HRH1: variants seen among roughly 807,000 people sequenced by gnomAD.
HRH1 encodes the protein histamine receptor H1.
A neutral mutation model predicts 10.3 loss-of-function variants in HRH1; 6 were observed. The observed-to-expected ratio is 0.58, with a 90% CI of 0.32 to 1.15. The LOEUF is 1.15. Ranked by LOEUF, HRH1 falls within the 50% of genes most tolerant of loss-of-function variation. The pLI is 0.05. For missense variants in HRH1, 514 were observed against 615.3 expected (o/e 0.84, Z 1.74); for synonymous variants, 242 against 236.7 (o/e 1.02, Z -0.21).
At chr3:11,229,905 G>C (rs1311647567) in intron 1 of HRH1, among the ~76,000 whole-genome samples, 2 of 152,170 alleles carry the variant, frequency 1.3e-5, no homozygotes, top group Non-Finnish European at 2.9e-5. Flanking sequence ...GAATTATAAT[G>C]GGAATAAGTT....
intron 1 of HRH1, among the ~76,000 whole-genome samples, chr3:11,239,230 C>T (rs899425191): frequency 3.9e-5 from 6 of 152,192 alleles, no homozygotes; most frequent in African/African-American, 1.4e-4. Context: ...TGGTATCTCA[C>T]TGTGGTTTTG....
At position 11,263,458 on chromosome 3, in the gene HRH1, G is replaced by A. The variant is rs200344061; in HGVS notation, c.*2957G>A. 7 of 166,332 alleles carry A rather than the reference G, an allele frequency of 4.2e-5. No individual in the cohort carries two copies. Among genetic ancestry groups the A allele is most frequent in the Non-Finnish European group, 7.3e-5 (5 of 68,170 alleles). The allele number at this position is 166,332 out of a possible 1,614,324, so 10.3% of individuals were successfully genotyped here. A position where few individuals can be genotyped will look rare whatever the true frequency, so the allele number is the denominator to read the frequency against. On this transcript the variant is annotated 3_prime_UTR_variant, in exon 2 of 2. Transcript: ENST00000431010. ...TCCCAGCACACTGGGAGGCTGACGC[G>A]GGCAGATGGCTGGAGTCCAGGAGTT...
chr3:11,250,076 T>C (rs1435700172), intron 1 of HRH1, among the ~76,000 whole-genome samples: 1 of 123,936 alleles, frequency 8.1e-6, no homozygotes. Context: ...GGAGTCTCGC[T>C]CTGCCGCCCA....
chr3:11,141,741 T>C (rs1414452971), intron 1 of HRH1, among the ~76,000 whole-genome samples: 2 of 152,244 alleles, frequency 1.3e-5, no homozygotes, highest in African/African-American at 4.8e-5. Flanking sequence ...CAGTATTCTA[T>C]TGGTCATGGA....
At chr3:11,218,447 CAA>C (rs1026039560) in intron 1 of HRH1, among the ~76,000 whole-genome samples, 14 of 53,956 alleles carry the variant, frequency 2.6e-4, no homozygotes, top group Non-Finnish European at 3.5e-4. Flanking sequence ...GACTCCATCT[CAA>C]AAAAAAAAAA....
intron 1 of HRH1, 41 bp from the exon 2 acceptor site, chr3:11,258,962 A>G: frequency 6.9e-7 from 1 of 1,457,778 alleles, no homozygotes; most frequent in South Asian, 1.4e-5. Context: ...GCCACTCATC[A>G]CCCAAGTCTC....
At chr3:11,247,068 A>G (rs1231048884) in intron 1 of HRH1, among the ~76,000 whole-genome samples, 3 of 152,186 alleles carry the variant, frequency 2.0e-5, no homozygotes, top group Non-Finnish European at 1.5e-5. Context: ...TCATGCCTAT[A>G]ATCCTAGTAC....
intron 1 of HRH1, among the ~76,000 whole-genome samples, chr3:11,240,927 G>C (rs956609817): frequency 3.3e-5 from 5 of 152,220 alleles, no homozygotes; most frequent in Admixed American, 1.3e-4. Context: ...GAGAAGTTTG[G>C]ACTGGGGAGT....
chr3:11,218,827 C>T (rs1575021527), intron 1 of HRH1, among the ~76,000 whole-genome samples: 1 of 152,112 alleles, frequency 6.6e-6, no homozygotes, highest in Non-Finnish European at 1.5e-5. Flanking sequence ...CTGCCCGCCT[C>T]GGCCTCCCAA....
intron 1 of HRH1, among the ~76,000 whole-genome samples, chr3:11,214,598 G>GTCATTCAT (rs370606152): frequency 9.2e-5 from 14 of 152,290 alleles, no homozygotes; most frequent in African/African-American, 3.1e-4. Flanking sequence ...ACCATGCATT[G>GTCATTCAT]TCATTCATTC....
upstream of HRH1, among the ~76,000 whole-genome samples, chr3:11,150,539 C>T (rs1426781068): frequency 1.3e-5 from 2 of 152,358 alleles, no homozygotes; most frequent in East Asian, 1.9e-4. Context: ...GGGAGCCCAA[C>T]GTAGTGACAC....
chr3:11,148,210 C>G (rs896373686), intron 1 of HRH1, among the ~76,000 whole-genome samples: 1 of 150,454 alleles, frequency 6.6e-6, no homozygotes, highest in Non-Finnish European at 1.5e-5. Flanking sequence ...AAAAGAAACT[C>G]TTCCTTCTCA....
intron 1 of HRH1, among the ~76,000 whole-genome samples, chr3:11,173,623 AAT>A (rs1373250027): frequency 2.6e-5 from 4 of 151,748 alleles, no homozygotes; most frequent in African/African-American, 9.7e-5. Flanking sequence ...ATATATTTTA[AAT>A]ATATATAAAT....
At chr3:11,145,480 C>A (rs1936419223) in intron 1 of HRH1, among the ~76,000 whole-genome samples, 1 of 152,156 alleles carries the variant, frequency 6.6e-6, no homozygotes, top group African/African-American at 2.4e-5. Flanking sequence ...GTGTCTAATG[C>A]CTTTTCCAGG....
chr3:11,205,418 A>G (rs1403555909), intron 1 of HRH1, among the ~76,000 whole-genome samples: 3 of 152,068 alleles, frequency 2.0e-5, no homozygotes, highest in Non-Finnish European at 4.4e-5. Context: ...TCCCAGCTCC[A>G]CCACTCACTA....
chr3:11,257,900 C>A (rs879630545), intron 1 of HRH1, among the ~76,000 whole-genome samples: 4 of 152,172 alleles, frequency 2.6e-5, no homozygotes, highest in Non-Finnish European at 5.9e-5. Context: ...CCACCTTTAA[C>A]TCTTGCCCTC....
At position 11,182,099 on chromosome 3, in the gene HRH1, T is replaced by C. The variant is rs528428699; in HGVS notation, c.-36+27545T>C. On this transcript the variant is annotated intron_variant, in intron 1 of 1. Transcript: ENST00000431010. The stretch of plus-strand genomic sequence containing the variant: ...CCTGGTTCAAGCAATTCTCCTGCCT[T>C]AGCCTCCCTAGTAGCTGGGATTACA... Among the ~76,000 whole-genome samples the C allele has an allele frequency of 1.2e-3, 177 of 151,954 alleles. 1 individual carries two copies. The highest frequency in any genetic ancestry group is 2.2e-3 in the Non-Finnish European group (148 of 67,982).
Position 11,177,322 on chromosome 3 carries a change from G to A in HRH1, c.-36+22768G>A, listed in dbSNP as rs1011789338. Among the ~76,000 whole-genome samples, 39 of 151,832 alleles carry A rather than the reference G, an allele frequency of 2.6e-4. 1 individual carries two copies. Among genetic ancestry groups the A allele is most frequent in the Non-Finnish European group, 8.8e-5 (6 of 68,038 alleles). ...AATTTTAGGGACTAATGGCATGGGA[G>A]TCTAGAGATAGCATCATGCAGTGTC... is the stretch of plus-strand genomic sequence containing the variant. On this transcript the variant is annotated intron_variant, in intron 1 of 1. Coordinates refer to ENST00000431010, the MANE Select transcript of HRH1 (RefSeq NM_001098212.2).
chr3:11,259,665 T>C lies in HRH1; in HGVS notation c.628T>C (p.Tyr210His). Residue 210 changes from tyrosine to histidine, a missense_variant, in exon 2 of 2, where the codon TAT becomes CAT. Coordinates refer to ENST00000431010, the MANE Select transcript of HRH1 (RefSeq NM_001098212.2). The surrounding 1 kb of genome is among the most constrained non-coding windows in gnomAD (Gnocchi z 4.6). ...GCCCACCTTGCTCATGCTCTGGTTC[T>C]ATGCCAAGATCTACAAGGCCGTACG... ...YLPTLLMLWF[Y>H]AKIYKAVRQH... The C allele has an allele frequency of 6.2e-7, 1 of 1,613,930 alleles. No individual in the cohort carries two copies. The highest frequency in any genetic ancestry group is 8.5e-7 in the Non-Finnish European group (1 of 1,179,988).
Sources: gnomAD v4.1 joint callset for allele counts (sites outside exome capture counted in the v4.1 genomes callset) on GRCh38, gnomAD v4.1.1 for gene constraint, Gnocchi (gnomAD v3.1) non-coding constraint, MANE v1.5 for transcripts, NCBI Gene and HGNC (gene_info 2026-07-23, HGNC 2026-07-21) for gene names.